Variants in TESK2 observed in about 807,000 individuals in gnomAD.
The protein encoded by TESK2 is testis associated actin remodelling kinase 2.
Under a neutral mutation model 57.1 loss-of-function variants are expected in TESK2, and 39 were observed. The ratio of observed to expected loss-of-function variants is 0.68; its 90% CI spans 0.53 to 0.89. TESK2 has a LOEUF of 0.89. TESK2 is among the 40% of genes least tolerant of loss of function. TESK2 has a pLI of 0.00. For synonymous variants in TESK2, 249 were observed against 267.9 expected (o/e 0.93, Z 0.69); for missense variants, 646 against 732.1 (o/e 0.88, Z 1.36).
chr1:45,348,290 T>C (rs1570634670), intron 5 of TESK2, among the ~76,000 whole-genome samples: 1 of 152,198 alleles, frequency 6.6e-6, no homozygotes, highest in Non-Finnish European at 1.5e-5. Flanking sequence ...TAGAAATAGC[T>C]AGATGAAAAC....
intron 1 of TESK2, among the ~76,000 whole-genome samples, chr1:45,485,558 G>T (rs1262027498): frequency 3.5e-5 from 5 of 143,192 alleles, no homozygotes; most frequent in East Asian, 4.1e-4. Context: ...TCACTCTGTC[G>T]CCTAAACTGC....
At chr1:45,480,470 A>G (rs1406475566) in intron 1 of TESK2, among the ~76,000 whole-genome samples, 2 of 151,572 alleles carry the variant, frequency 1.3e-5, no homozygotes, top group Non-Finnish European at 1.5e-5. Flanking sequence ...AAAAAAAAAA[A>G]AAAAGAAATC....
chr1:45,394,660 G>GT (rs1649282856), intron 3 of TESK2, among the ~76,000 whole-genome samples: 1 of 129,368 alleles, frequency 7.7e-6, no homozygotes, highest in Admixed American at 8.2e-5. Flanking sequence ...TCTAAAGATA[G>GT]TAAGACCAAC....
chr1:45,456,808 T>C (rs539843934), intron 2 of TESK2, among the ~76,000 whole-genome samples: 1 of 152,330 alleles, frequency 6.6e-6, no homozygotes, highest in African/African-American at 2.4e-5. Context: ...TGATAGCTAT[T>C]TGTAGTAATG....
intron 3 of TESK2, among the ~76,000 whole-genome samples, chr1:45,388,577 G>C (rs1323369507): frequency 2.0e-5 from 3 of 152,132 alleles, no homozygotes; most frequent in African/African-American, 4.8e-5. Context: ...GACAGAGACT[G>C]TGTGACTTGT....
chr1:45,480,605 ATTAG>A (rs781080446), intron 1 of TESK2, among the ~76,000 whole-genome samples: 9 of 151,974 alleles, frequency 5.9e-5, no homozygotes, highest in Non-Finnish European at 1.0e-4. Context: ...ATTATAAGGA[ATTAG>A]TTAAATAAAT....
At chr1:45,480,458 CAAAAA>C (rs112614744) in intron 1 of TESK2, among the ~76,000 whole-genome samples, 1 of 74,082 alleles carries the variant, frequency 1.3e-5, no homozygotes. Context: ...ACTCAGTCTC[CAAAAA>C]AAAAAAAAAA....
chr1:45,456,744 A>C (rs146171146), intron 2 of TESK2, among the ~76,000 whole-genome samples: 42 of 152,292 alleles, frequency 2.8e-4, no homozygotes, highest in Admixed American at 2.7e-3. Context: ...GAGCATGAGT[A>C]GTTGATCCAT....
intron 2 of TESK2, among the ~76,000 whole-genome samples, chr1:45,454,850 G>T (rs1652011007): frequency 6.6e-6 from 1 of 152,098 alleles, no homozygotes; most frequent in Non-Finnish European, 1.5e-5. Context: ...GCTACAACAT[G>T]AATAACCCTG....
At chr1:45,377,113 G>C (rs940768526) in intron 4 of TESK2, among the ~76,000 whole-genome samples, 3 of 152,116 alleles carry the variant, frequency 2.0e-5, no homozygotes, top group Non-Finnish European at 4.4e-5. Flanking sequence ...CCAGCTAATG[G>C]GGAGGCTGAG....
At chr1:45,416,871 C>G (rs987761267) in intron 3 of TESK2, among the ~76,000 whole-genome samples, 1 of 152,014 alleles carries the variant, frequency 6.6e-6, no homozygotes, top group African/African-American at 2.4e-5. Flanking sequence ...ACTGCAACCT[C>G]CGCCTCTCGG....
chr1:45,356,973 C>T lies in TESK2; in HGVS notation c.394-1524G>A, dbSNP rs561299223. Among the ~76,000 whole-genome samples the T allele has an allele frequency of 9.5e-4, 144 of 151,822 alleles. No homozygotes were observed. In the East Asian group the frequency reaches 0.01, roughly 11 times the overall value. ...CTTTGGGAGGCCGAGGCGGGTGGAT[C>T]ACCTGACATCAGGAGTTCAAGACCA... On this transcript the variant is annotated intron_variant, in intron 4 of 10. Transcript: ENST00000372086.
At chr1:45,405,456 C>T (rs1649799977) in intron 3 of TESK2, among the ~76,000 whole-genome samples, 1 of 151,672 alleles carries the variant, frequency 6.6e-6, no homozygotes, top group Admixed American at 6.6e-5. Context: ...TCCTTTATGC[C>T]TCCTTCCCTT....
At chr1:45,371,247 T>A (rs1458254483) in intron 4 of TESK2, among the ~76,000 whole-genome samples, 2 of 152,200 alleles carry the variant, frequency 1.3e-5, no homozygotes, top group East Asian at 3.8e-4. Context: ...GCAATCCTAC[T>A]TCTGGGTATG....
chr1:45,369,158 A>G (rs1231340942), intron 4 of TESK2, among the ~76,000 whole-genome samples: 2 of 152,192 alleles, frequency 1.3e-5, no homozygotes, highest in African/African-American at 4.8e-5. Context: ...CTTCTACCCT[A>G]GGAGTGTACA....
chr1:45,408,952 G>T (rs993506702), intron 3 of TESK2, among the ~76,000 whole-genome samples: 3 of 152,106 alleles, frequency 2.0e-5, no homozygotes, highest in Non-Finnish European at 4.4e-5. Context: ...CAAGAAATGG[G>T]GATGTTGACT....
chr1:45,467,557 C>G (rs976412333), intron 1 of TESK2, among the ~76,000 whole-genome samples: 1 of 151,840 alleles, frequency 6.6e-6, no homozygotes, highest in African/African-American at 2.4e-5. Context: ...GTCTCAAACT[C>G]CTGACCTCAT....
At chr1:45,397,185 G>A (rs1344324126) in intron 3 of TESK2, among the ~76,000 whole-genome samples, 2 of 152,060 alleles carry the variant, frequency 1.3e-5, no homozygotes, top group Non-Finnish European at 2.9e-5. Flanking sequence ...TACCTTATAT[G>A]AAATCATTTA....
At chr1:45,400,056 G>A (rs2149279850) in intron 3 of TESK2, among the ~76,000 whole-genome samples, 1 of 152,208 alleles carries the variant, frequency 6.6e-6, no homozygotes, top group African/African-American at 2.4e-5. Context: ...GCATTATATG[G>A]CAAGGGAAAT....
Sources: allele counts gnomAD v4.1 joint callset (sites outside exome capture counted in the v4.1 genomes callset), GRCh38; gene constraint gnomAD v4.1.1; transcripts MANE v1.5; gene names NCBI Gene and HGNC (gene_info 2026-07-23, HGNC 2026-07-21).